RCL1: variants seen among roughly 807,000 people sequenced by gnomAD.
RCL1 encodes the protein RNA 3'-terminal phosphate cyclase-like protein.
A neutral mutation model predicts 42.4 loss-of-function variants in RCL1; 24 were observed. That is an observed-to-expected ratio of 0.57 (90% CI 0.41 to 0.80). The LOEUF is 0.80. Among genes scored for constraint, RCL1 ranks in the 30% least tolerant of loss-of-function variants. The probability of loss-of-function intolerance (pLI) is 0.00; values close to 1 mark genes in which losing one functional copy is unlikely to be tolerated. For synonymous variants in RCL1, 228 were observed against 177.3 expected (o/e 1.29, Z -2.27); for missense variants, 578 against 467.9 (o/e 1.24, Z -2.17).
chr9:4,840,781 T>C (rs1248008828), intron 5 of RCL1, among the ~76,000 whole-genome samples: 1 of 152,178 alleles, frequency 6.6e-6, no homozygotes, highest in Non-Finnish European at 1.5e-5. Context: ...CCAGGTCCTG[T>C]GTGGTGTCTG....
intron 1 of RCL1, among the ~76,000 whole-genome samples, chr9:4,805,665 G>A (rs960220329): frequency 2.0e-5 from 3 of 152,134 alleles, no homozygotes; most frequent in African/African-American, 7.2e-5. Flanking sequence ...CTGGTCAGGT[G>A]ACTGGCAGTG....
At chr9:4,804,579 C>G (rs1353629178) in intron 1 of RCL1, 4 of 152,748 alleles carry the variant, frequency 2.6e-5, no homozygotes. Flanking sequence ...TTGAAGTCCT[C>G]CAGGTTGAAG....
At chr9:4,806,046 T>TGTGTGTGTGTGTGTG (rs1587696264) in intron 1 of RCL1, among the ~76,000 whole-genome samples, 3 of 71,324 alleles carry the variant, frequency 4.2e-5, no homozygotes, top group East Asian at 2.9e-4. Flanking sequence ...GTGTGTGTGT[T>TGTGTGTGTGTGTGTG]TGTGTGTGTG....
At chr9:4,833,817 G>A (rs774653056) in intron 4 of RCL1, among the ~76,000 whole-genome samples, 1 of 152,132 alleles carries the variant, frequency 6.6e-6, no homozygotes, top group African/African-American at 2.4e-5. Context: ...GAGAAAAAGG[G>A]GTTTCTGATT....
intron 3 of RCL1, among the ~76,000 whole-genome samples, chr9:4,828,851 G>A (rs1399909236): frequency 2.0e-5 from 3 of 152,188 alleles, no homozygotes; most frequent in Non-Finnish European, 4.4e-5. Context: ...ATATGCTGTA[G>A]GAGTATCTGC....
intron 3 of RCL1, chr9:4,827,337 TG>T: frequency 2.7e-6 from 3 of 1,126,850 alleles, no homozygotes; most frequent in Non-Finnish European, 2.4e-6. Flanking sequence ...TGGCTGTATA[TG>T]TGAGAGTGGA....
At chr9:4,822,917 A>T (rs1476388067) in intron 1 of RCL1, among the ~76,000 whole-genome samples, 1 of 152,110 alleles carries the variant, frequency 6.6e-6, no homozygotes, top group Non-Finnish European at 1.5e-5. Flanking sequence ...TTCTTCCAGT[A>T]TTTTCTCATG....
At chr9:4,837,686 C>T (rs1325888118) in intron 5 of RCL1, among the ~76,000 whole-genome samples, 4 of 152,110 alleles carry the variant, frequency 2.6e-5, no homozygotes, top group Admixed American at 6.5e-5. Context: ...GAAGGGCTTT[C>T]CAGGGGAGAA....
At chr9:4,851,107 A>G (rs1467934005) in intron 8 of RCL1, among the ~76,000 whole-genome samples, 2 of 152,196 alleles carry the variant, frequency 1.3e-5, no homozygotes, top group Admixed American at 1.3e-4. Flanking sequence ...GAGATGCTCA[A>G]GATATGACTG....
intron 8 of RCL1, among the ~76,000 whole-genome samples, chr9:4,851,307 G>C (rs538404527): frequency 6.6e-6 from 1 of 152,322 alleles, no homozygotes; most frequent in South Asian, 2.1e-4. Flanking sequence ...GGGGCTTAGA[G>C]ATATTCTGCT....
At chr9:4,828,546 G>GTTT (rs35253567) in intron 3 of RCL1, among the ~76,000 whole-genome samples, 193 of 145,546 alleles carry the variant, frequency 1.3e-3, no homozygotes, top group African/African-American at 2.9e-3. Flanking sequence ...TTAATTAAGT[G>GTTT]TTTTTTTTTT....
In RCL1 at chr9:4,841,636, A is replaced by G. The variant is rs75140180; in HGVS notation, c.710+279A>G. On this transcript the variant is annotated intron_variant, in intron 6 of 8. Coordinates refer to ENST00000381750, the MANE Select transcript of RCL1 (RefSeq NM_005772.5). ...TAATACACAATGCTTTAGGCTTTAA[A>G]TTCCATCTGCACTCTGTTCCAACAA... is the stretch of plus-strand genomic sequence containing the variant. Among the ~76,000 whole-genome samples the G allele has an allele frequency of 2.1e-3, 326 of 152,314 alleles. 3 individuals are homozygous for G. Among genetic ancestry groups the G allele is most frequent in the African/African-American group, 7.5e-3 (313 of 41,572 alleles).
rs1160389069 is a variant in RCL1 at position 4,845,845 on chromosome 9, T to C, written c.867+1164T>C. 2.0e-5 allele frequency among the ~76,000 whole-genome samples: 3 copies of C among 152,254 alleles called. No individual in the cohort carries two copies. The East Asian group carries it at 5.8e-4, about 29-fold the overall frequency. ...CATCTCTCTTCTTCCCCTAAGGAGC[T>C]GAAGAGACTTCTTTCTTTGTATTGT... On this transcript the variant is annotated intron_variant, in intron 7 of 8. Coordinates refer to ENST00000381750, the MANE Select transcript of RCL1 (RefSeq NM_005772.5).
chr9:4,812,637 C>G (rs1288314161), intron 1 of RCL1, among the ~76,000 whole-genome samples: 1 of 151,872 alleles, frequency 6.6e-6, no homozygotes, highest in Non-Finnish European at 1.5e-5. Context: ...TTTTGCGGGT[C>G]CATATGAATA....
At chr9:4,796,454 G>T (rs539809101) in intron 1 of RCL1, among the ~76,000 whole-genome samples, 3 of 152,286 alleles carry the variant, frequency 2.0e-5, no homozygotes, top group Admixed American at 6.5e-5. Context: ...TGAGTGCAGT[G>T]GTGTGATCAT....
intron 1 of RCL1, among the ~76,000 whole-genome samples, chr9:4,816,408 A>T (rs1816379643): frequency 6.6e-6 from 1 of 152,202 alleles, no homozygotes; most frequent in Admixed American, 6.5e-5. Flanking sequence ...CTTCTGTTTT[A>T]AAATATAAAC....
At chr9:4,813,331 A>G (rs1047569342) in intron 1 of RCL1, among the ~76,000 whole-genome samples, 17 of 152,350 alleles carry the variant, frequency 1.1e-4, no homozygotes, top group East Asian at 5.8e-4. Context: ...AACTTAAACA[A>G]ATTTACAAGA....
At chr9:4,809,977 C>T (rs563677990) in intron 1 of RCL1, among the ~76,000 whole-genome samples, 40 of 152,116 alleles carry the variant, frequency 2.6e-4, no homozygotes, top group Admixed American at 2.3e-3. Context: ...CCACTATGCC[C>T]AGCTAATTTT....
intron 1 of RCL1, among the ~76,000 whole-genome samples, chr9:4,820,030 G>C (rs970861068): frequency 2.0e-5 from 3 of 152,148 alleles, no homozygotes; most frequent in African/African-American, 7.2e-5. Context: ...GCTATTTACA[G>C]CTCCTTGCCA....
Sources: allele counts gnomAD v4.1 joint callset (sites outside exome capture counted in the v4.1 genomes callset), GRCh38; gene constraint gnomAD v4.1.1; transcripts MANE v1.5; gene names NCBI Gene and HGNC (gene_info 2026-07-23, HGNC 2026-07-21).